ATP8A1: variants seen among roughly 807,000 people sequenced by gnomAD.
The protein encoded by ATP8A1 is phospholipid-transporting ATPase IA.
ATP8A1 carries 90 observed loss-of-function variants against 177.7 expected under a neutral mutation model. The ratio of observed to expected loss-of-function variants is 0.51; its 90% confidence interval spans 0.43 to 0.60. The LOEUF (loss-of-function observed/expected upper bound fraction) is 0.60, where lower values mean the gene tolerates loss of function less well. Among genes scored for constraint, ATP8A1 ranks in the 20% least tolerant of loss-of-function variants. The probability of loss-of-function intolerance (pLI) is 0.00; values close to 1 mark genes in which losing one functional copy is unlikely to be tolerated. For missense variants in ATP8A1, 1,072 were observed against 1,392.8 expected (o/e 0.77, Z 3.67); for synonymous variants, 493 against 485.9 (o/e 1.01, Z -0.19).
chr4:42,436,425 A>G (rs145917201), intron 33 of ATP8A1, among the ~76,000 whole-genome samples: 1 of 152,242 alleles, frequency 6.6e-6, no homozygotes, highest in African/African-American at 2.4e-5. Flanking sequence ...AAGTGTATGC[A>G]GATGTTCAGA....
chr4:42,547,950 T>C (rs1458815994), intron 19 of ATP8A1, among the ~76,000 whole-genome samples: 2 of 152,158 alleles, frequency 1.3e-5, no homozygotes, highest in East Asian at 3.8e-4. Flanking sequence ...CTTAATTCTG[T>C]GAAGTGTCCT....
intron 1 of ATP8A1, among the ~76,000 whole-genome samples, chr4:42,629,842 C>A (rs1456077789): frequency 2.0e-5 from 3 of 152,196 alleles, no homozygotes; most frequent in African/African-American, 7.2e-5. Context: ...CTCTTCAATG[C>A]AATCATCTTA....
At chr4:42,495,066 C>G (rs945475445) in intron 24 of ATP8A1, among the ~76,000 whole-genome samples, 3 of 152,182 alleles carry the variant, frequency 2.0e-5, no homozygotes, top group Non-Finnish European at 4.4e-5. Flanking sequence ...GAATCTTAAA[C>G]TAACACATAT....
chr4:42,501,470 A>T (rs1474704865), intron 24 of ATP8A1, among the ~76,000 whole-genome samples: 2 of 152,214 alleles, frequency 1.3e-5, no homozygotes. Context: ...TCACAGAATG[A>T]TTTGAGTGCA....
chr4:42,485,450 T>C (rs1277583795), intron 25 of ATP8A1, 46 bp downstream of exon 25: 1 of 1,519,466 alleles, frequency 6.6e-7, no homozygotes, highest in Non-Finnish European at 8.9e-7. Flanking sequence ...AGAACTTAGA[T>C]CAAGTCATTC....
intron 6 of ATP8A1, among the ~76,000 whole-genome samples, chr4:42,597,769 T>C (rs1734854041): frequency 6.6e-6 from 1 of 152,184 alleles, no homozygotes; most frequent in Admixed American, 6.5e-5. Flanking sequence ...GTTTTCACAG[T>C]TCTCAATATA....
chr4:42,489,836 G>T (rs1273222639), intron 24 of ATP8A1, among the ~76,000 whole-genome samples: 1 of 152,068 alleles, frequency 6.6e-6, no homozygotes, highest in Non-Finnish European at 1.5e-5. Context: ...GCTACTGAAG[G>T]GGGAAATTTT....
chr4:42,507,201 C>T (rs530613341), intron 22 of ATP8A1, 47 bp from the exon 23 acceptor site: 4 of 1,586,438 alleles, frequency 2.5e-6, no homozygotes, highest in Non-Finnish European at 3.4e-6. Flanking sequence ...CGTTCATATT[C>T]TTTAAAAACA....
chr4:42,625,033 C>T (rs868583815), intron 3 of ATP8A1: 1 of 132,902 alleles, frequency 7.5e-6, no homozygotes, highest in Non-Finnish European at 1.6e-5. Flanking sequence ...AGTCAATAAA[C>T]GATGCTTGGG....
At chr4:42,506,748 C>T (rs918091302) in intron 23 of ATP8A1, among the ~76,000 whole-genome samples, 1 of 152,170 alleles carries the variant, frequency 6.6e-6, no homozygotes, top group Non-Finnish European at 1.5e-5. Flanking sequence ...CTTCTTCTTT[C>T]CTATTATCTT....
chr4:42,614,197 C>A (rs1350607991), intron 5 of ATP8A1, among the ~76,000 whole-genome samples: 1 of 152,012 alleles, frequency 6.6e-6, no homozygotes, highest in East Asian at 1.9e-4. Context: ...AGTACGTACC[C>A]AGAAGGGTGG....
chr4:42,487,630 G>A (rs1218196624), intron 24 of ATP8A1, among the ~76,000 whole-genome samples: 2 of 151,860 alleles, frequency 1.3e-5, no homozygotes, highest in South Asian at 2.1e-4. Context: ...TCCAATTTAA[G>A]CATGTCGTTT....
chr4:42,551,047 T>A, intron 18 of ATP8A1, 151 bp downstream of exon 18: 1 of 625,792 alleles, frequency 1.6e-6, no homozygotes, highest in Non-Finnish European at 2.9e-6. Context: ...GATGTATAAA[T>A]GCCTAAAGAA....
At chr4:42,634,771 A>C (rs1480773730) in intron 1 of ATP8A1, among the ~76,000 whole-genome samples, 2 of 152,210 alleles carry the variant, frequency 1.3e-5, no homozygotes, top group African/African-American at 4.8e-5. Flanking sequence ...TTATGAAATC[A>C]GAAAGGCATA....
chr4:42,645,753 T>G (rs893828320), intron 1 of ATP8A1, among the ~76,000 whole-genome samples: 1 of 152,192 alleles, frequency 6.6e-6, no homozygotes, highest in Non-Finnish European at 1.5e-5. Context: ...CATTTACCCA[T>G]GACAATGAAA....
rs575985866 is a variant in ATP8A1, at chr4:42,482,136, T to C, written c.2324+3360A>G. 2.6e-5 allele frequency among the ~76,000 whole-genome samples: 4 copies of C among 152,070 alleles called. No individual in the cohort carries two copies. In the East Asian group the frequency reaches 7.8e-4, roughly 30 times the overall value. On this transcript the variant is annotated intron_variant, in intron 25 of 36. Transcript: ENST00000381668. ...GGGCAACGTGGCAAAAGCCAGGCTC[T>C]ACTAAAAATACAAAAAATTAGCTGG...
At chr4:42,496,802 A>AC (rs34248851) in intron 24 of ATP8A1, among the ~76,000 whole-genome samples, 12 of 151,526 alleles carry the variant, frequency 7.9e-5, no homozygotes, top group African/African-American at 2.4e-4. Flanking sequence ...ATGCACATAT[A>AC]CCCCCCCCCA....
chr4:42,482,879 G>A (rs1394465847), intron 25 of ATP8A1, among the ~76,000 whole-genome samples: 2 of 152,144 alleles, frequency 1.3e-5, no homozygotes, highest in African/African-American at 4.8e-5. Context: ...TTGGAAAATA[G>A]TTTAAATTTG....
chr4:42,558,234 C>A (rs747094572), intron 15 of ATP8A1, among the ~76,000 whole-genome samples: 35 of 152,030 alleles, frequency 2.3e-4, no homozygotes, highest in Non-Finnish European at 3.7e-4. Context: ...AAAATAAGAA[C>A]CATCACATTA....
Sources: allele counts gnomAD v4.1 joint callset (sites outside exome capture counted in the v4.1 genomes callset), GRCh38; gene constraint gnomAD v4.1.1; transcripts MANE v1.5; gene names NCBI Gene and HGNC (gene_info 2026-07-23, HGNC 2026-07-21).